Variants in NPRL3 observed in about 807,000 individuals in gnomAD.
The protein encoded by NPRL3 is NPR3 like, GATOR1 complex subunit, also known as GATOR1 complex protein NPRL3.
Under a neutral mutation model 57.2 loss-of-function variants are expected in NPRL3, and 23 were observed. The ratio of observed to expected loss-of-function variants is 0.40; its 90% CI spans 0.29 to 0.57. The LOEUF (loss-of-function observed/expected upper bound fraction) is 0.57. NPRL3 is among the 20% of genes least tolerant of loss of function. NPRL3 has a pLI of 0.42. For synonymous variants in NPRL3, 333 were observed against 321.1 expected (o/e 1.04, Z -0.39); for missense variants, 691 against 767.1 (o/e 0.90, Z 1.17).
chr16:105,372 C>T (rs970550602), intron 7 of NPRL3, among the ~76,000 whole-genome samples: 1 of 152,224 alleles, frequency 6.6e-6, no homozygotes, highest in Admixed American at 6.5e-5. Flanking sequence ...TCTGGTCCCA[C>T]GGATGGGCCT....
chr16:96,400 C>A (rs73495135), intron 9 of NPRL3, among the ~76,000 whole-genome samples: 6,572 of 152,150 alleles, frequency 0.043, 490 homozygotes, highest in African/African-American at 0.15. Flanking sequence ...AGGGTCACTG[C>A]CTCCCTCACT....
At chr16:125,076 CAAAAAAAAAA>C (rs61016911) in intron 3 of NPRL3, 2 of 66,810 alleles carry the variant, frequency 3.0e-5, no homozygotes, top group South Asian at 1.0e-3. Flanking sequence ...AACTTTGTCT[CAAAAAAAAAA>C]AAAAAAAAAA....
chr16:113,712 A>T (rs901311167), intron 5 of NPRL3, among the ~76,000 whole-genome samples: 1 of 152,194 alleles, frequency 6.6e-6, no homozygotes, highest in Non-Finnish European at 1.5e-5. Flanking sequence ...GGTACTGCTG[A>T]TTACAACCTC....
intron 7 of NPRL3, among the ~76,000 whole-genome samples, chr16:108,037 G>A (rs1231966441): frequency 6.6e-6 from 1 of 152,088 alleles, no homozygotes; most frequent in Non-Finnish European, 1.5e-5. Context: ...GACCACAAAG[G>A]TCCCATTCTG....
chr16:124,338 C>T (rs1379261004), intron 3 of NPRL3, among the ~76,000 whole-genome samples: 1 of 151,872 alleles, frequency 6.6e-6, no homozygotes, highest in Non-Finnish European at 1.5e-5. Context: ...AGTATCTCAT[C>T]TTTTCTTTTC....
At chr16:105,257 C>T (rs753765263) in intron 7 of NPRL3, among the ~76,000 whole-genome samples, 4 of 152,200 alleles carry the variant, frequency 2.6e-5, no homozygotes, top group Non-Finnish European at 4.4e-5. Context: ...GAAATGTGCA[C>T]AAGCTTAGTC....
chr16:117,153 A>G, intron 5 of NPRL3, 148 bp downstream of exon 5: 1 of 600,704 alleles, frequency 1.7e-6, no homozygotes, highest in African/African-American at 1.9e-5. Context: ...AAAAAGGGGT[A>G]AACAATGAAG....
chr16:130,541 C>T lies in NPRL3; in HGVS notation c.169G>A (p.Glu57Lys), dbSNP rs907712162. 1 of 1,553,778 alleles carries T rather than the reference C, an allele frequency of 6.4e-7. No individual in the cohort carries two copies. The highest frequency in any genetic ancestry group is 8.7e-7 in the Non-Finnish European group (1 of 1,148,372). ...CTTTACCTGGAATCGCCGTCCTGCT[C>T]ATCAGCATGGTCGCCCGTGTTGCTG... Reference protein sequence around the residue: ...AASNTGDHADEQDGDSRFSDV... With the variant: ...AASNTGDHADKQDGDSRFSDV... The change falls in exon 3 of 14, where the codon GAG becomes AAG. Residue 57 changes from glutamate (E) to lysine (K), a missense_variant. Physicochemically the swap from Glu to Lys is moderately conservative, Grantham distance 56 (BLOSUM62 1). Transcript: ENST00000611875.
intron 7 of NPRL3, among the ~76,000 whole-genome samples, chr16:101,295 C>A (rs1275186130): frequency 1.3e-5 from 2 of 152,180 alleles, no homozygotes; most frequent in African/African-American, 4.8e-5. Context: ...GCCAAGTCCC[C>A]CAGAGTGTTC....
chr16:123,146 T>C (rs8048222), intron 3 of NPRL3, among the ~76,000 whole-genome samples: 2,738 of 152,200 alleles, frequency 0.018, 82 homozygotes, highest in African/African-American at 0.063. Flanking sequence ...AGGGCGGCAG[T>C]GGACTAGGGA....
rs145761251 is a variant in NPRL3 at position 91,314 on chromosome 16, G to T, written c.1161+1282C>A. ...GATTGCTTGAACCCGGGAGGCAAAGGTTGCAGTGAGCCGAGATCATGCCAT... is the reference window on the plus strand; with the variant it reads ...GATTGCTTGAACCCGGGAGGCAAAGTTTGCAGTGAGCCGAGATCATGCCAT... On this transcript the variant is annotated intron_variant, in intron 11 of 13. Transcript: ENST00000611875. 4.8e-3 allele frequency among the ~76,000 whole-genome samples: 736 copies of T among 152,328 alleles called. 7 individuals carry two copies. Among genetic ancestry groups the T allele is most frequent in the African/African-American group, 0.017 (700 of 41,556 alleles).
intron 7 of NPRL3, among the ~76,000 whole-genome samples, chr16:100,970 C>CAAAAAAA (rs59640237): frequency 0.08 from 2,876 of 36,062 alleles, 797 homozygotes; most frequent in African/African-American, 0.33. Context: ...GACTCTGTCT[C>CAAAAAAA]AAAAAAAAAA....
In NPRL3 at chr16:88,617, G is replaced by A. The variant is rs999335630; in HGVS notation, c.1544+81C>T. On this transcript the variant is annotated intron_variant, in intron 13 of 13. Coordinates refer to ENST00000611875, the MANE Select transcript of NPRL3 (RefSeq NM_001077350.3). ...CCATCTGTTCTCAGTGGATTTGGTGGTTCTGTTGCGTACGTCCCTATCCAC... is the reference window on the plus strand; with the variant it reads ...CCATCTGTTCTCAGTGGATTTGGTGATTCTGTTGCGTACGTCCCTATCCAC... The A allele has an allele frequency of 3.2e-6, 4 of 1,255,790 alleles. No individual in the cohort carries two copies. In the African/African-American group the frequency reaches 5.9e-5, roughly 19 times the overall value. The allele number at this position is 1,255,790 out of a possible 1,614,324, so 77.8% of individuals were successfully genotyped here. A position where few individuals can be genotyped will look rare whatever the true frequency, so the allele number is the denominator to read the frequency against.
At chr16:113,105 C>G (rs962231313) in intron 5 of NPRL3, among the ~76,000 whole-genome samples, 4 of 152,128 alleles carry the variant, frequency 2.6e-5, no homozygotes, top group African/African-American at 9.7e-5. Flanking sequence ...TGGTGCCTCC[C>G]TCACCAAGGA....
chr16:89,028 C>A (rs554432803), intron 12 of NPRL3, 138 bp from the exon 13 acceptor site: 2 of 748,988 alleles, frequency 2.7e-6, no homozygotes, highest in African/African-American at 3.5e-5. Flanking sequence ...TGCAAGCATT[C>A]GCTGCTGCCC....
chr16:97,254 C>G (rs184850562), intron 9 of NPRL3, among the ~76,000 whole-genome samples: 1 of 150,572 alleles, frequency 6.6e-6, no homozygotes, highest in South Asian at 2.1e-4. Context: ...GATTTCTCCC[C>G]GTGCTTTTTT....
intron 3 of NPRL3, 66 bp downstream of exon 3, chr16:130,456 G>A: frequency 1.4e-6 from 2 of 1,454,146 alleles, no homozygotes; most frequent in Non-Finnish European, 1.9e-6. Flanking sequence ...TGAATAGGAG[G>A]GTGGGGCTTT....
At chr16:102,750 T>G (rs1899353477) in intron 7 of NPRL3, among the ~76,000 whole-genome samples, 1 of 152,106 alleles carries the variant, frequency 6.6e-6, no homozygotes, top group Non-Finnish European at 1.5e-5. Flanking sequence ...CTCGGACGTC[T>G]CTTAGGACAC....
At chr16:97,180 C>T (rs1899048149) in intron 9 of NPRL3, among the ~76,000 whole-genome samples, 1 of 152,182 alleles carries the variant, frequency 6.6e-6, no homozygotes, top group Non-Finnish European at 1.5e-5. Flanking sequence ...GCCACGCCCA[C>T]ATGACTAGCA....
Sources: allele counts gnomAD v4.1 joint callset (sites outside exome capture counted in the v4.1 genomes callset), GRCh38; gene constraint gnomAD v4.1.1; transcripts MANE v1.5; gene names NCBI Gene and HGNC (gene_info 2026-07-23, HGNC 2026-07-21).